The following BRD7 variants were observed in gnomAD, a reference collection of about 807,000 sequenced individuals.
BRD7 encodes bromodomain containing 7.
BRD7 carries 15 observed loss-of-function variants against 82.1 expected under a neutral mutation model. The observed-to-expected ratio is 0.18, with a 90% CI of 0.12 to 0.28. BRD7 has a LOEUF of 0.28. Ranked by LOEUF, BRD7 falls within the 10% of genes least tolerant of loss-of-function variation. The pLI, the probability that BRD7 is intolerant of heterozygous loss-of-function variation, is 1.00. For synonymous variants in BRD7, 232 were observed against 266.9 expected (o/e 0.87, Z 1.27); for missense variants, 638 against 779.9 (o/e 0.82, Z 2.17).
chr16:50,368,156 T>C lies in BRD7; in HGVS notation c.192A>G (p.Lys64=). ...TCTGCTTCTCTCCTTTCTTTCTCTT[T>C]TTCCGCTTTCTGTCCTTGTGTTTGT... ...DHDKHKDRKR[K]KRKKGEKQIP... Residue 64 remains lysine (K), a synonymous_variant, in exon 2 of 17, where the codon AAA becomes AAG. Transcript: ENST00000394688. 6.2e-7 allele frequency: 1 copy of C among 1,614,162 alleles called. No homozygotes were observed.
chr16:50,349,651 T>C (rs1484851268), intron 5 of BRD7: 1 of 470,158 alleles, frequency 2.1e-6, no homozygotes, highest in Non-Finnish European at 4.4e-6. Flanking sequence ...AATGGATTAA[T>C]ACAATATGCA....
At chr16:50,356,026 A>C (rs763490747) in intron 2 of BRD7, among the ~76,000 whole-genome samples, 7 of 152,260 alleles carry the variant, frequency 4.6e-5, no homozygotes, top group Non-Finnish European at 7.3e-5. Flanking sequence ...GGTAACTCAC[A>C]GAATAAGAAA....
chr16:50,365,539 A>G (rs1231026790), intron 2 of BRD7, among the ~76,000 whole-genome samples: 1 of 152,238 alleles, frequency 6.6e-6, no homozygotes, highest in South Asian at 2.1e-4. Context: ...AGAGAGAGAC[A>G]GGGCAGGGAG....
intron 7 of BRD7, 55 bp from the exon 8 acceptor site, chr16:50,333,752 A>G: frequency 1.5e-6 from 2 of 1,373,560 alleles, no homozygotes; most frequent in South Asian, 1.3e-5. Flanking sequence ...GTAAGATGAA[A>G]ACATTCAAAT....
chr16:50,334,802 C>A lies in BRD7; in HGVS notation c.796G>T (p.Gly266Trp). The A allele has an allele frequency of 1.2e-6, 2 of 1,614,156 alleles. No homozygotes were observed. The highest frequency in any genetic ancestry group is 1.7e-6 in the Non-Finnish European group (2 of 1,179,986). The change falls in exon 7 of 17, where the codon GGG becomes TGG. Residue 266 changes from glycine (G) to tryptophan (W), a missense_variant. By Grantham distance (184) the Gly-to-Trp change is radical. Around this residue, in one of 3 missense-constraint regions of BRD7, gnomAD observed 402 missense variants for 500.8 expected, o/e 0.80. Coordinates refer to ENST00000394688, the MANE Select transcript of BRD7 (RefSeq NM_013263.5). Reference protein sequence around the residue: ...QKDGTDTSQSGEDGGCWQRER... With the variant: ...QKDGTDTSQSWEDGGCWQRER... ...CTCTGCCAGCAGCCTCCGTCCTCCC[C>A]ACTCTGTGAGGTGTCTGTTCCATCT...
intron 1 of BRD7, 51 bp downstream of exon 1, chr16:50,368,675 C>T: frequency 1.3e-6 from 2 of 1,536,412 alleles, no homozygotes; most frequent in Middle Eastern, 2.4e-4. Context: ...AGAGCGGAAG[C>T]CCGGCAGAGC....
intron 2 of BRD7, 92 bp downstream of exon 2, chr16:50,367,994 CGTTT>C: frequency 5.8e-6 from 7 of 1,212,994 alleles, no homozygotes; most frequent in Non-Finnish European, 8.4e-6. Context: ...ATCTTAGAGG[CGTTT>C]GTTTTCCCCA....
chr16:50,320,866 C>A, intron 13 of BRD7, 92 bp from the exon 14 acceptor site: 2 of 829,110 alleles, frequency 2.4e-6, no homozygotes, highest in Non-Finnish European at 4.1e-6. Flanking sequence ...TATTTACAGG[C>A]AAAGTTATTC....
chr16:50,362,214 G>T (rs79617110), intron 2 of BRD7, among the ~76,000 whole-genome samples: 2,404 of 152,256 alleles, frequency 0.016, 63 homozygotes, highest in African/African-American at 0.054. Flanking sequence ...AGGAGCCTCA[G>T]AACTAGAACC....
Position 50,316,988 on chromosome 16 carries a change from G to C in BRD7, c.*2223C>G, listed in dbSNP as rs1321923367. ...ATACAGGGTTGCAGATTGGGTGACTGACCAGACTTGTTGGGGTCCTGGGAT... is the reference window on the plus strand; with the variant it reads ...ATACAGGGTTGCAGATTGGGTGACTCACCAGACTTGTTGGGGTCCTGGGAT... On this transcript the variant is annotated 3_prime_UTR_variant, in exon 17 of 17. Coordinates refer to ENST00000394688, the MANE Select transcript of BRD7 (RefSeq NM_013263.5). The C allele has an allele frequency of 6.5e-6, 1 of 152,762 alleles. No homozygotes were observed. The highest frequency in any genetic ancestry group is 6.5e-5 in the Admixed American group (1 of 15,282). 9.5% of individuals were successfully genotyped at this position (152,762 alleles called of 1,614,324 possible). A position where few individuals can be genotyped will look rare whatever the true frequency, so the allele number is the denominator to read the frequency against.
intron 8 of BRD7, among the ~76,000 whole-genome samples, chr16:50,329,309 A>G (rs1168574123): frequency 6.6e-6 from 1 of 152,172 alleles, no homozygotes; most frequent in Admixed American, 6.5e-5. Context: ...AAAGGCTACT[A>G]TGGACCAGGT....
At position 50,333,697 on chromosome 16, in the gene BRD7, C is replaced by T; in HGVS notation, c.888G>A (p.Lys296=). The T allele has an allele frequency of 6.4e-7, 1 of 1,555,152 alleles. No individual in the cohort carries two copies. Among genetic ancestry groups the T allele is most frequent in the East Asian group, 2.3e-5 (1 of 44,248 alleles). Residue 296 remains lysine, a splice_region_variant and synonymous_variant, in exon 8 of 17, where the codon AAG becomes AAA. Transcript: ENST00000394688. ...AFKSPSKENK[K]KDKDMLEDKF... ...TATCTTCAAGCATATCTTTGTCTTT[C>T]CTGAAAATATACATTAATACTAAGT... is the stretch of plus-strand genomic sequence containing the variant.
At chr16:50,338,055 TA>T (rs1368725770) in intron 6 of BRD7, among the ~76,000 whole-genome samples, 2 of 152,178 alleles carry the variant, frequency 1.3e-5, no homozygotes, top group African/African-American at 2.4e-5. Context: ...CAAAGGTCAT[TA>T]AAAATTAGGC....
At chr16:50,353,374 T>A (rs1011413733) in intron 4 of BRD7, among the ~76,000 whole-genome samples, 19 of 152,048 alleles carry the variant, frequency 1.2e-4, no homozygotes, top group African/African-American at 4.6e-4. Context: ...TAACTTCTGA[T>A]CTTAACTGCA....
chr16:50,349,571 C>G, intron 5 of BRD7: 1 of 470,144 alleles, frequency 2.1e-6, no homozygotes. Flanking sequence ...GCCTGTGGAA[C>G]TGTGAGTTAA....
At position 50,356,739 on chromosome 16, in the gene BRD7, TAC is replaced by T. The variant is rs749145071; in HGVS notation, c.259-1819_259-1818del. The stretch of plus-strand genomic sequence containing the variant: ...GAAAAAAAAAATATATATATATATA[TAC>T]ACACACACACACACATATATATATG... On this transcript the variant is annotated intron_variant, in intron 2 of 16. Coordinates refer to ENST00000394688, the MANE Select transcript of BRD7 (RefSeq NM_013263.5). 9.7e-3 allele frequency among the ~76,000 whole-genome samples: 1,439 copies of T among 148,630 alleles called. 20 individuals carry two copies. The highest frequency in any genetic ancestry group is 0.034 in the African/African-American group (1,336 of 39,560).
rs1306138417 is a variant in BRD7, at chr16:50,322,015, A to G, written c.1467T>C (p.His489=). 1.9e-6 allele frequency: 3 copies of G among 1,611,214 alleles called. No individual in the cohort carries two copies. Among genetic ancestry groups the G allele is most frequent in the Non-Finnish European group, 2.5e-6 (3 of 1,179,472 alleles). ...MEMSLPEDEG[H]TRTLDTAKEM... ...CTTTTGCTGTGTCAAGTGTCCTAGT[A>G]TGGCCTTCATCTTCAGGCAATGACT... is the stretch of plus-strand genomic sequence containing the variant. The change falls in exon 13 of 17, where the codon CAT becomes CAC. Residue 489 remains histidine (H), a synonymous_variant. Coordinates refer to ENST00000394688, the MANE Select transcript of BRD7 (RefSeq NM_013263.5).
At chr16:50,339,338 C>T (rs1226124778) in intron 6 of BRD7, among the ~76,000 whole-genome samples, 1 of 152,204 alleles carries the variant, frequency 6.6e-6, no homozygotes, top group African/African-American at 2.4e-5. Context: ...TACACTCACA[C>T]AAACCTAGAT....
intron 2 of BRD7, among the ~76,000 whole-genome samples, chr16:50,362,732 A>G (rs1394422603): frequency 1.3e-5 from 2 of 152,352 alleles, no homozygotes; most frequent in East Asian, 3.9e-4. Context: ...TTATAAAAGC[A>G]GTCAAATTCA....
Sources: gnomAD v4.1 joint callset for allele counts (sites outside exome capture counted in the v4.1 genomes callset) on GRCh38, gnomAD v4.1.1 for gene constraint, gnomAD v4.1.1 regional missense constraint, MANE v1.5 for transcripts, NCBI Gene and HGNC (gene_info 2026-07-23, HGNC 2026-07-21) for gene names.